Variants in PDE3A observed in about 807,000 individuals in gnomAD.
The protein encoded by PDE3A is cGMP-inhibited 3',5'-cyclic phosphodiesterase 3A.
PDE3A carries 43 observed loss-of-function variants against 98.3 expected under a neutral mutation model. The observed-to-expected ratio is 0.44, with a 90% CI of 0.34 to 0.56. The LOEUF (loss-of-function observed/expected upper bound fraction) is 0.56. PDE3A is among the 20% of genes least tolerant of loss of function. The pLI is 0.01. For missense variants in PDE3A, 1,427 were observed against 1,440.7 expected (o/e 0.99, Z 0.15); for synonymous variants, 663 against 567.9 (o/e 1.17, Z -2.38).
chr12:20,544,783 G>T (rs1942007511), intron 1 of PDE3A, among the ~76,000 whole-genome samples: 1 of 151,710 alleles, frequency 6.6e-6, no homozygotes, highest in South Asian at 2.1e-4. Flanking sequence ...TGGTTTCTTG[G>T]TGATGAAATT....
rs1592094713 is a variant in PDE3A, at chr12:20,597,331, G to T, written c.1012-16112G>T. On this transcript the variant is annotated intron_variant, in intron 2 of 15. Transcript: ENST00000359062. Reference sequence around the variant, plus strand: ...TGCTGGGTGGATCAGAAGCTAGAAAGCCTTGAAGTCCATGTTTCAAAGATA... The same window carrying T: ...TGCTGGGTGGATCAGAAGCTAGAAATCCTTGAAGTCCATGTTTCAAAGATA... Among the ~76,000 whole-genome samples the T allele has an allele frequency of 2.6e-5, 4 of 152,256 alleles. No homozygotes were observed. In the East Asian group the frequency reaches 7.7e-4, roughly 29 times the overall value.
chr12:20,395,910 G>A (rs774257725), intron 1 of PDE3A, among the ~76,000 whole-genome samples: 3 of 151,332 alleles, frequency 2.0e-5, no homozygotes, highest in Non-Finnish European at 4.4e-5. Context: ...TTATTTTAGG[G>A]ACAGGATATT....
intron 6 of PDE3A, among the ~76,000 whole-genome samples, chr12:20,630,636 C>T (rs1011084109): frequency 6.6e-6 from 1 of 152,066 alleles, no homozygotes; most frequent in African/African-American, 2.4e-5. Flanking sequence ...ATTGTATGTG[C>T]TATTCTATCA....
chr12:20,686,470 C>T lies in PDE3A; in HGVS notation c.*6199C>T, dbSNP rs1023424224. 5.9e-5 allele frequency among the ~76,000 whole-genome samples: 9 copies of T among 152,134 alleles called. No individual in the cohort carries two copies. The highest frequency in any genetic ancestry group is 1.9e-4 in the African/African-American group (8 of 41,544). ...ACCAGTCAATAAACAACAGCCACTGCATTAATCTGCCCAGCATGATCAGAT... is the reference window on the plus strand; with the variant it reads ...ACCAGTCAATAAACAACAGCCACTGTATTAATCTGCCCAGCATGATCAGAT... On this transcript the variant is annotated 3_prime_UTR_variant, in exon 16 of 16. Coordinates refer to ENST00000359062, the MANE Select transcript of PDE3A (RefSeq NM_000921.5).
At chr12:20,671,431 A>T (rs1442516571) in intron 15 of PDE3A, among the ~76,000 whole-genome samples, 1 of 152,186 alleles carries the variant, frequency 6.6e-6, no homozygotes, top group East Asian at 1.9e-4. Flanking sequence ...CTTGATGAAC[A>T]TTGATGCAAA....
intron 4 of PDE3A, among the ~76,000 whole-genome samples, chr12:20,618,106 C>T (rs1230111999): frequency 2.0e-5 from 3 of 152,156 alleles, no homozygotes; most frequent in Non-Finnish European, 4.4e-5. Flanking sequence ...AATATACTAT[C>T]TCATAATCTC....
intron 15 of PDE3A, among the ~76,000 whole-genome samples, chr12:20,666,343 A>T (rs1174382684): frequency 6.6e-6 from 1 of 152,186 alleles, no homozygotes; most frequent in African/African-American, 2.4e-5. Context: ...TTTAACAATA[A>T]TCACCTTACT....
chr12:20,572,468 C>A (rs1942822111), intron 2 of PDE3A, among the ~76,000 whole-genome samples: 1 of 152,048 alleles, frequency 6.6e-6, no homozygotes, highest in Admixed American at 6.6e-5. Flanking sequence ...ACTAAACTCC[C>A]AAATGAAAAC....
intron 4 of PDE3A, among the ~76,000 whole-genome samples, chr12:20,620,816 CA>C (rs11335379): frequency 0.37 from 53,988 of 146,744 alleles, 9,690 homozygotes; most frequent in Admixed American, 0.43. Flanking sequence ...GGAAATAATG[CA>C]AAAAAAAAAC....
At chr12:20,397,753 G>A (rs1944044688) in intron 1 of PDE3A, among the ~76,000 whole-genome samples, 1 of 151,778 alleles carries the variant, frequency 6.6e-6, no homozygotes, top group Admixed American at 6.6e-5. Flanking sequence ...TTTTAAAGAT[G>A]GCCTATAAAC....
intron 1 of PDE3A, among the ~76,000 whole-genome samples, chr12:20,458,393 A>C (rs991108998): frequency 2.0e-5 from 3 of 152,222 alleles, no homozygotes; most frequent in South Asian, 2.1e-4. Context: ...AAAAAAAAAA[A>C]ACCAATTTTG....
At chr12:20,551,683 G>C (rs889879251) in intron 1 of PDE3A, 2 of 1,610,504 alleles carry the variant, frequency 1.2e-6, no homozygotes, top group Admixed American at 3.4e-5. Context: ...CCTCAGCAGT[G>C]TTCCCAGCGA....
Position 20,624,491 on chromosome 12 carries a change from A to G in PDE3A, c.1540+3080A>G, listed in dbSNP as rs190153654. On this transcript the variant is annotated intron_variant, in intron 5 of 15. Coordinates refer to ENST00000359062, the MANE Select transcript of PDE3A (RefSeq NM_000921.5). ...AATGTAAAAGGGAAGGAATGTCCAC[A>G]TAAGATACCACATGGGCAGGTGGTA... Among the ~76,000 whole-genome samples the G allele has an allele frequency of 2.1e-4, 32 of 152,270 alleles. No homozygotes were observed. In the East Asian group the frequency reaches 5.2e-3, roughly 25 times the overall value.
intron 1 of PDE3A, among the ~76,000 whole-genome samples, chr12:20,451,369 G>A (rs112715877): frequency 0.04 from 6,122 of 152,226 alleles, 171 homozygotes; most frequent in South Asian, 0.069. Context: ...CGCCTCCTGG[G>A]TACAAGCAAT....
intron 1 of PDE3A, among the ~76,000 whole-genome samples, chr12:20,388,803 G>C (rs141002985): frequency 1.3e-5 from 2 of 151,880 alleles, no homozygotes; most frequent in Non-Finnish European, 2.9e-5. Context: ...CATTTCCTGC[G>C]TAAGACTAAG....
intron 1 of PDE3A, among the ~76,000 whole-genome samples, chr12:20,394,503 A>G (rs964830202): frequency 1.4e-4 from 21 of 152,070 alleles, no homozygotes; most frequent in African/African-American, 4.8e-4. Flanking sequence ...GATGAAATGG[A>G]CTATTAATCT....
At chr12:20,378,426 T>A (rs892497477) in intron 1 of PDE3A, among the ~76,000 whole-genome samples, 4 of 151,754 alleles carry the variant, frequency 2.6e-5, no homozygotes, top group African/African-American at 9.7e-5. Context: ...AATACATTTA[T>A]TATGTGTATA....
At position 20,607,714 on chromosome 12, in the gene PDE3A, AG is replaced by A. The variant is rs757492752; in HGVS notation, c.1012-5728del. 7.2e-3 allele frequency among the ~76,000 whole-genome samples: 1,068 copies of A among 147,600 alleles called. 6 individuals carry two copies. Among genetic ancestry groups the A allele is most frequent in the African/African-American group, 0.024 (983 of 40,508 alleles). ...GTAGAATGTTTTATATTGCTTGGTA[AG>A]TTTTTTTTTTTAAAGGAAAAGATTT... On this transcript the variant is annotated intron_variant, in intron 2 of 15. Transcript: ENST00000359062.
rs183672359 is a variant in PDE3A at position 20,548,256 on chromosome 12, T to A, written c.961-8404T>A. 2.7e-3 allele frequency among the ~76,000 whole-genome samples: 404 copies of A among 152,128 alleles called. 1 individual carries two copies. The highest frequency in any genetic ancestry group is 9.3e-3 in the African/African-American group (387 of 41,540). ...TGAGAAGAGAAGAAACATTCTCTTT[T>A]AAAAAAAATTTTTTTTAGAGAATTT... On this transcript the variant is annotated intron_variant, in intron 1 of 15. Transcript: ENST00000359062.
Sources: gnomAD v4.1 joint callset for allele counts (sites outside exome capture counted in the v4.1 genomes callset) on GRCh38, gnomAD v4.1.1 for gene constraint, MANE v1.5 for transcripts, NCBI Gene and HGNC (gene_info 2026-07-23, HGNC 2026-07-21) for gene names.